Variants in CORO1C observed in about 807,000 individuals in gnomAD.
CORO1C encodes the protein coronin-1C.
A neutral mutation model predicts 51.2 loss-of-function variants in CORO1C; 14 were observed. The observed-to-expected ratio is 0.27, with a 90% CI of 0.18 to 0.43. The LOEUF is 0.43. Among genes scored for constraint, CORO1C ranks in the 20% least tolerant of loss-of-function variants. The pLI is 1.00. For synonymous variants in CORO1C, 181 were observed against 210.5 expected (o/e 0.86, Z 1.21); for missense variants, 417 against 607.8 (o/e 0.69, Z 3.30).
intron 3 of CORO1C, among the ~76,000 whole-genome samples, chr12:108,666,860 G>A (rs190258075): frequency 3.7e-4 from 56 of 152,302 alleles, no homozygotes; most frequent in African/African-American, 1.2e-3. Context: ...CACCCTAATA[G>A]GAAATACTGC....
intron 1 of CORO1C, among the ~76,000 whole-genome samples, chr12:108,702,279 C>T (rs941076311): frequency 2.0e-5 from 3 of 151,992 alleles, no homozygotes; most frequent in Non-Finnish European, 2.9e-5. Context: ...GGGCTATTGT[C>T]GGGGGGAAAC....
In CORO1C at chr12:108,648,799, C is replaced by A. The variant is rs762661543; in HGVS notation, c.1111G>T (p.Ala371Ser). The A allele has an allele frequency of 1.1e-5, 18 of 1,614,066 alleles. No individual in the cohort carries two copies. In the Admixed American group the frequency reaches 1.7e-4, roughly 15 times the overall value. The change falls in exon 10 of 11, where the codon GCG becomes TCG. Residue 371 changes from alanine to serine, a missense_variant. Ala to Ser is a moderately conservative substitution (Grantham distance 99, BLOSUM62 1). Transcript: ENST00000261401. ...LYPDTAGPEA[A>S]LEAEEWFEGK... Reference sequence around the variant, plus strand: ...TCGAACCACTCTTCTGCCTCCAGCGCGGCCTCTGGCCCCGCTGTGTCAGGA... The same window carrying A: ...TCGAACCACTCTTCTGCCTCCAGCGAGGCCTCTGGCCCCGCTGTGTCAGGA...
intron 2 of CORO1C, among the ~76,000 whole-genome samples, chr12:108,678,945 T>C (rs2034013481): frequency 6.6e-6 from 1 of 150,788 alleles, no homozygotes; most frequent in Non-Finnish European, 1.5e-5. Context: ...ACCCCACCTC[T>C]ACTAAAAATA....
At chr12:108,679,804 A>C (rs1245462245) in intron 2 of CORO1C, among the ~76,000 whole-genome samples, 1 of 152,256 alleles carries the variant, frequency 6.6e-6, no homozygotes, top group Non-Finnish European at 1.5e-5. Flanking sequence ...AGGTGACTTT[A>C]GACAAGTCAT....
At chr12:108,688,772 A>G (rs1290243816) in intron 2 of CORO1C, among the ~76,000 whole-genome samples, 5 of 152,146 alleles carry the variant, frequency 3.3e-5, no homozygotes, top group African/African-American at 1.2e-4. Context: ...ACGGTGGCTC[A>G]CACTTGTAAT....
intron 6 of CORO1C, among the ~76,000 whole-genome samples, chr12:108,655,974 G>A (rs1464994131): frequency 6.6e-6 from 1 of 151,530 alleles, no homozygotes; most frequent in African/African-American, 2.4e-5. Flanking sequence ...GAGATGTGGG[G>A]AGCGCCTCTG....
rs1407934907 is a variant in CORO1C, at chr12:108,726,832, A to C, written c.-6+4597T>G. On this transcript the variant is annotated intron_variant, in intron 1 of 10. Transcript: ENST00000261401. ...GCTGGCCATCTACCCTACTGAGGAGACTGTGCGCCAGTCATTACTGTTCAT... is the reference window on the plus strand; with the variant it reads ...GCTGGCCATCTACCCTACTGAGGAGCCTGTGCGCCAGTCATTACTGTTCAT... 2.0e-5 allele frequency among the ~76,000 whole-genome samples: 3 copies of C among 152,048 alleles called. No homozygotes were observed. The East Asian group carries it at 5.8e-4, about 29-fold the overall frequency.
At chr12:108,648,896 TG>T in intron 9 of CORO1C, 46 bp from the exon 10 acceptor site, 4 of 1,612,176 alleles carry the variant, frequency 2.5e-6, no homozygotes, top group Non-Finnish European at 3.4e-6. Context: ...AAGAAAGGCC[TG>T]GGATTTTTGA....
chr12:108,695,609 A>G (rs1381127465), intron 2 of CORO1C, among the ~76,000 whole-genome samples: 1 of 152,176 alleles, frequency 6.6e-6, no homozygotes, highest in Non-Finnish European at 1.5e-5. Flanking sequence ...CAAAGGCAAC[A>G]TCTGAGCTGG....
chr12:108,726,945 G>A (rs2035607695), intron 1 of CORO1C, among the ~76,000 whole-genome samples: 1 of 152,230 alleles, frequency 6.6e-6, no homozygotes, highest in African/African-American at 2.4e-5. Flanking sequence ...TTTGGTAAGA[G>A]CTGGACTTGG....
At chr12:108,675,499 A>G (rs997349171) in intron 3 of CORO1C, among the ~76,000 whole-genome samples, 2 of 152,228 alleles carry the variant, frequency 1.3e-5, no homozygotes, top group Non-Finnish European at 2.9e-5. Context: ...CGGGGAAAAA[A>G]AAACCCTAAT....
At chr12:108,683,883 C>T (rs1353755196) in intron 2 of CORO1C, among the ~76,000 whole-genome samples, 3 of 151,912 alleles carry the variant, frequency 2.0e-5, no homozygotes, top group Non-Finnish European at 4.4e-5. Flanking sequence ...AGAAAAGTGC[C>T]ACTGAATTCA....
intron 8 of CORO1C, among the ~76,000 whole-genome samples, chr12:108,650,153 TAA>T (rs1392327673): frequency 7.2e-6 from 1 of 139,214 alleles, no homozygotes; most frequent in Non-Finnish European, 1.6e-5. Flanking sequence ...AACCAAAAAC[TAA>T]AAGAGTCCCA....
At chr12:108,664,954 C>G (rs2033416107) in intron 3 of CORO1C, among the ~76,000 whole-genome samples, 1 of 152,188 alleles carries the variant, frequency 6.6e-6, no homozygotes, top group Non-Finnish European at 1.5e-5. Context: ...CACTGTGACC[C>G]CACTTAGAAC....
intron 3 of CORO1C, among the ~76,000 whole-genome samples, chr12:108,667,420 A>T (rs2033527128): frequency 6.6e-6 from 1 of 152,232 alleles, no homozygotes; most frequent in African/African-American, 2.4e-5. Context: ...GTGCAGAGGA[A>T]AACAGACACA....
At chr12:108,726,069 G>A (rs929462151) in intron 1 of CORO1C, among the ~76,000 whole-genome samples, 24 of 152,086 alleles carry the variant, frequency 1.6e-4, no homozygotes, top group African/African-American at 4.8e-4. Flanking sequence ...CCCTGACCTC[G>A]TGATCTGCCC....
intron 2 of CORO1C, among the ~76,000 whole-genome samples, chr12:108,683,274 C>T (rs1366636682): frequency 6.6e-6 from 1 of 151,970 alleles, no homozygotes; most frequent in East Asian, 1.9e-4. Flanking sequence ...AAAAACTTAG[C>T]CAGGCATGGT....
At chr12:108,691,360 G>C (rs1234826414) in intron 2 of CORO1C, among the ~76,000 whole-genome samples, 1 of 152,102 alleles carries the variant, frequency 6.6e-6, no homozygotes, top group African/African-American at 2.4e-5. Flanking sequence ...GTGGCTTCTG[G>C]GCAAAACCGT....
intron 1 of CORO1C, 142 bp from the exon 2 acceptor site, chr12:108,701,465 C>T: frequency 7.4e-7 from 1 of 1,355,776 alleles, no homozygotes; most frequent in South Asian, 1.4e-5. Context: ...AATTGCAATC[C>T]AAATTTCTTT....
Sources: allele counts gnomAD v4.1 joint callset (sites outside exome capture counted in the v4.1 genomes callset), GRCh38; gene constraint gnomAD v4.1.1; transcripts MANE v1.5; gene names NCBI Gene and HGNC (gene_info 2026-07-23, HGNC 2026-07-21).